ANK3: variants seen among roughly 807,000 people sequenced by gnomAD.
The protein encoded by ANK3 is ankyrin 3, also known as ankyrin-3.
A neutral mutation model predicts 370.9 loss-of-function variants in ANK3; 57 were observed. The observed-to-expected ratio is 0.15, with a 90% CI of 0.12 to 0.19. The LOEUF is 0.19. Among genes scored for constraint, ANK3 ranks in the 10% least tolerant of loss-of-function variants. ANK3 has a pLI of 1.00. For missense variants in ANK3, 4,439 were observed against 5,302.1 expected, an observed-to-expected ratio of 0.84 and a Z score of 5.06; for synonymous variants, 1,929 against 1,946.3, an observed-to-expected ratio of 0.99 and a Z score of 0.23.
intron 1 of ANK3, among the ~76,000 whole-genome samples, chr10:60,280,903 A>G (rs1240164072): frequency 6.6e-6 from 1 of 152,174 alleles, no homozygotes; most frequent in Admixed American, 6.6e-5. Flanking sequence ...CTTCGTATTT[A>G]CTACACAACA....
At chr10:60,284,645 C>T (rs1235320346) in intron 1 of ANK3, among the ~76,000 whole-genome samples, 1 of 152,078 alleles carries the variant, frequency 6.6e-6, no homozygotes, top group Non-Finnish European at 1.5e-5. Flanking sequence ...TTTTAGGCAC[C>T]TTCAGGTATA....
rs566298112 is a variant in ANK3 at position 60,259,286 on chromosome 10, T to C, written c.798+2573A>G. On this transcript the variant is annotated intron_variant, in intron 7 of 43. Coordinates refer to ENST00000280772, the MANE Select transcript of ANK3 (RefSeq NM_020987.5). ...CTAAAGCCAGTCATCAATCACCCAC[T>C]GCAGAGAGAAGCATAGCTCATTTGG... 2.6e-5 allele frequency among the ~76,000 whole-genome samples: 4 copies of C among 152,256 alleles called. No homozygotes were observed. In the East Asian group the frequency reaches 7.7e-4, roughly 29 times the overall value.
At position 60,055,759 on chromosome 10, in the gene ANK3, C is replaced by T; in HGVS notation, c.12964G>A (p.Val4322Met). The T allele has an allele frequency of 6.2e-7, 1 of 1,614,218 alleles. No individual in the cohort carries two copies. The highest frequency in any genetic ancestry group is 1.1e-5 in the South Asian group (1 of 91,086). ...KLIIEETKPCVPVSMKKMSRT... is the reference protein window; with the variant it reads ...KLIIEETKPCMPVSMKKMSRT... ...CTCATCTTTTTCATACTGACAGGCA[C>T]ACAGGGTTTAGTCTCTTCTATTATA... Residue 4322 changes from valine to methionine, a missense_variant, in exon 42 of 44, where the codon GTG (valine) becomes ATG (methionine). Val to Met is a conservative substitution (Grantham distance 21). Coordinates refer to ENST00000280772, the MANE Select transcript of ANK3 (RefSeq NM_020987.5).
chr10:60,299,143 T>C (rs1298103930), intron 1 of ANK3, among the ~76,000 whole-genome samples: 3 of 152,142 alleles, frequency 2.0e-5, no homozygotes, highest in Non-Finnish European at 4.4e-5. Context: ...AAAAACTCTT[T>C]CTCTGAGACA....
chr10:60,379,314 T>C (rs2061243390), intron 1 of ANK3, among the ~76,000 whole-genome samples: 1 of 152,122 alleles, frequency 6.6e-6, no homozygotes, highest in Non-Finnish European at 1.5e-5. Context: ...TGGAGGTTCC[T>C]CAAGAAATTA....
At chr10:60,571,240 A>G (rs1485528521) in intron 2 of ANK3, among the ~76,000 whole-genome samples, 1 of 152,216 alleles carries the variant, frequency 6.6e-6, no homozygotes, top group Admixed American at 6.5e-5. Context: ...CAGATTCACT[A>G]TCTGGAAGAC....
intron 5 of ANK3, among the ~76,000 whole-genome samples, chr10:60,267,744 A>G (rs2132662081): frequency 6.6e-6 from 1 of 152,322 alleles, no homozygotes; most frequent in East Asian, 1.9e-4. Context: ...AGAGATACTT[A>G]GTGATCCGTA....
At chr10:60,579,073 T>C (rs1455582308) in intron 2 of ANK3, among the ~76,000 whole-genome samples, 1 of 152,068 alleles carries the variant, frequency 6.6e-6, no homozygotes, top group African/African-American at 2.4e-5. Flanking sequence ...ACGCCTGTAA[T>C]CCCAGCACTT....
chr10:60,595,039 T>G (rs1009410), intron 2 of ANK3, among the ~76,000 whole-genome samples: 104,717 of 151,932 alleles, frequency 0.69, 36,546 homozygotes, highest in South Asian at 0.88. Flanking sequence ...TCTAGAAAAA[T>G]AAATAAAATG....
intron 28 of ANK3, among the ~76,000 whole-genome samples, chr10:60,103,131 A>G (rs938328431): frequency 8.6e-5 from 13 of 151,982 alleles, no homozygotes; most frequent in Admixed American, 8.5e-4. Flanking sequence ...TTGTATTTTT[A>G]GTAGAGACGG....
At chr10:60,514,577 T>C (rs2133169245) in intron 2 of ANK3, among the ~76,000 whole-genome samples, 1 of 152,272 alleles carries the variant, frequency 6.6e-6, no homozygotes, top group South Asian at 2.1e-4. Flanking sequence ...TCTTTTCTAT[T>C]TGAGTTTTCT....
At chr10:60,667,782 C>G (rs756474915) in intron 1 of ANK3, among the ~76,000 whole-genome samples, 6 of 151,416 alleles carry the variant, frequency 4.0e-5, no homozygotes, top group Non-Finnish European at 8.8e-5. Flanking sequence ...GGTCAATCCT[C>G]AGCTCAGTTC....
At chr10:60,226,490 C>CATATACATAGTATATATACATAGTAT (rs2097150196) in intron 8 of ANK3, among the ~76,000 whole-genome samples, 19 of 63,412 alleles carry the variant, frequency 3.0e-4, no homozygotes, top group Non-Finnish European at 4.3e-4. Flanking sequence ...TATATATATA[C>CATATACATAGTATATATACATAGTAT]ATATACTATA....
intron 1 of ANK3, among the ~76,000 whole-genome samples, chr10:60,643,688 T>C (rs1451045945): frequency 2.0e-5 from 3 of 152,078 alleles, no homozygotes; most frequent in African/African-American, 7.2e-5. Flanking sequence ...CATATCCACA[T>C]AGCCCAGATT....
chr10:60,441,756 C>T (rs1026076998), intron 2 of ANK3, among the ~76,000 whole-genome samples: 7 of 152,126 alleles, frequency 4.6e-5, no homozygotes, highest in Non-Finnish European at 1.0e-4. Flanking sequence ...CAGCGAAGCA[C>T]CAGACACCTA....
chr10:60,232,158 T>C (rs1201491806), intron 8 of ANK3, among the ~76,000 whole-genome samples: 2 of 152,204 alleles, frequency 1.3e-5, no homozygotes, highest in African/African-American at 4.8e-5. Flanking sequence ...ATAGGACATG[T>C]AAGTGTTTGA....
rs183602732 is a variant in ANK3, at chr10:60,069,437, G to A, written c.11444C>T (p.Thr3815Ile). ...TGGGTTATCTTTCTCTGTGGTACAAGTGGGTGCAGAATGTTCTGTCAGAAC... is the reference window on the plus strand; with the variant it reads ...TGGGTTATCTTTCTCTGTGGTACAAATGGGTGCAGAATGTTCTGTCAGAAC... ...NIVLTEHSAPTCTTEKDNPVK... is the reference protein window; with the variant it reads ...NIVLTEHSAPICTTEKDNPVK... Residue 3815 changes from threonine (T) to isoleucine (I), a missense_variant, in exon 37 of 44, where the codon ACT becomes ATT. Transcript: ENST00000280772. The A allele has an allele frequency of 6.2e-7, 1 of 1,614,058 alleles. No homozygotes were observed. The highest frequency in any genetic ancestry group is 1.3e-5 in the African/African-American group (1 of 75,006).
At chr10:60,459,773 C>G (rs752300000) in intron 2 of ANK3, among the ~76,000 whole-genome samples, 4 of 152,148 alleles carry the variant, frequency 2.6e-5, no homozygotes, top group Non-Finnish European at 4.4e-5. Context: ...CTTCAATGGG[C>G]TCCTAGTAAT....
At chr10:60,061,142 C>T (rs1186120052) in intron 40 of ANK3, among the ~76,000 whole-genome samples, 1 of 152,178 alleles carries the variant, frequency 6.6e-6, no homozygotes, top group African/African-American at 2.4e-5. Flanking sequence ...AACTTAGCTG[C>T]TGTTGTAAAC....
Sources: allele counts gnomAD v4.1 joint callset (sites outside exome capture counted in the v4.1 genomes callset), GRCh38; gene constraint gnomAD v4.1.1; transcripts MANE v1.5; gene names NCBI Gene and HGNC (gene_info 2026-07-23, HGNC 2026-07-21).